Variants in THSD4 observed in about 807,000 individuals in gnomAD.
THSD4 encodes thrombospondin type 1 domain containing 4, also known as thrombospondin type-1 domain-containing protein 4.
In THSD4, 69 loss-of-function variants were observed where a neutral mutation model predicts 119.0. The observed-to-expected ratio is 0.58, with a 90% confidence interval of 0.48 to 0.71. The LOEUF (loss-of-function observed/expected upper bound fraction) is 0.71, where lower values mean the gene tolerates loss of function less well. THSD4 is among the 30% of genes least tolerant of loss of function. THSD4 has a pLI of 0.00. For synonymous variants in THSD4, 524 were observed against 540.4 expected (o/e 0.97, Z 0.42); for missense variants, 1,393 against 1,391.1 (o/e 1.00, Z -0.02).
intron 7 of THSD4, among the ~76,000 whole-genome samples, chr15:71,437,889 A>C (rs888625267): frequency 1.3e-5 from 2 of 152,236 alleles, no homozygotes; most frequent in Non-Finnish European, 2.9e-5. Flanking sequence ...ATAAGGGGAA[A>C]GTGGTATCTC....
At chr15:71,578,269 G>A (rs184910402) in intron 7 of THSD4, among the ~76,000 whole-genome samples, 66 of 151,566 alleles carry the variant, frequency 4.4e-4, no homozygotes, top group African/African-American at 1.6e-3. Flanking sequence ...GACTCCAGGT[G>A]GTTATCTTGG....
At chr15:71,663,011 G>A (rs1428749673) in intron 8 of THSD4, among the ~76,000 whole-genome samples, 2 of 152,158 alleles carry the variant, frequency 1.3e-5, no homozygotes, top group Non-Finnish European at 2.9e-5. Flanking sequence ...CGCTGTGGGA[G>A]GCCAAGGCAG....
chr15:71,491,206 G>A (rs1419055392), intron 7 of THSD4, among the ~76,000 whole-genome samples: 2 of 152,144 alleles, frequency 1.3e-5, no homozygotes, highest in African/African-American at 4.8e-5. Flanking sequence ...TGACAACACT[G>A]GGTATGATCA....
At chr15:71,706,599 T>G (rs1490189146) in intron 8 of THSD4, among the ~76,000 whole-genome samples, 2 of 152,116 alleles carry the variant, frequency 1.3e-5, no homozygotes, top group East Asian at 3.9e-4. Context: ...ACCAGCTCCC[T>G]TCGGAGAGGA....
chr15:71,452,443 C>T (rs985359086), intron 7 of THSD4, among the ~76,000 whole-genome samples: 2 of 151,112 alleles, frequency 1.3e-5, no homozygotes, highest in African/African-American at 2.4e-5. Context: ...TTAGTCCCTC[C>T]GTGCCAGTCT....
chr15:71,768,230 T>C (rs1390018381), intron 16 of THSD4, among the ~76,000 whole-genome samples: 2 of 147,532 alleles, frequency 1.4e-5, no homozygotes, highest in African/African-American at 5.0e-5. Context: ...GCCACTAACA[T>C]CCCCAAAAGA....
At chr15:71,336,228 G>A (rs932264873) in intron 6 of THSD4, among the ~76,000 whole-genome samples, 4 of 152,188 alleles carry the variant, frequency 2.6e-5, no homozygotes, top group Admixed American at 6.5e-5. Flanking sequence ...GAATAAAAAT[G>A]TTACAACCTT....
chr15:71,545,400 A>G (rs1040128087), intron 7 of THSD4, among the ~76,000 whole-genome samples: 2 of 152,182 alleles, frequency 1.3e-5, no homozygotes, highest in Non-Finnish European at 2.9e-5. Context: ...CTGTTTTTAC[A>G]AATAAAGTTT....
chr15:71,669,714 C>T (rs1158537803), intron 8 of THSD4, among the ~76,000 whole-genome samples: 5 of 152,180 alleles, frequency 3.3e-5, no homozygotes, highest in Non-Finnish European at 7.3e-5. Context: ...CTTTCCTCCA[C>T]AATTACTTTC....
chr15:71,135,884 A>ATTGG (rs2040546595), intron 1 of THSD4, among the ~76,000 whole-genome samples: 1 of 146,788 alleles, frequency 6.8e-6, no homozygotes, highest in East Asian at 2.0e-4. Flanking sequence ...TGAGGGCCTT[A>ATTGG]TTGGATCCCC....
chr15:71,432,524 CTTTTT>C (rs59086141), intron 7 of THSD4, among the ~76,000 whole-genome samples: 1 of 129,968 alleles, frequency 7.7e-6, no homozygotes. Context: ...TCCCTCCCTT[CTTTTT>C]TTTTTTTTTT....
intron 7 of THSD4, among the ~76,000 whole-genome samples, chr15:71,592,357 GC>G (rs2049823430): frequency 6.6e-6 from 1 of 152,198 alleles, no homozygotes; most frequent in Non-Finnish European, 1.5e-5. Context: ...GCTGTTGGCA[GC>G]CCCCAGAGCC....
intron 7 of THSD4, among the ~76,000 whole-genome samples, chr15:71,486,793 A>ATT (rs2047830036): frequency 1.3e-5 from 2 of 152,080 alleles, no homozygotes; most frequent in South Asian, 4.2e-4. Context: ...GCAATTTTGG[A>ATT]GTGTGAGCTA....
At chr15:71,727,550 AAAAATATAT>A (rs1204860385) in intron 8 of THSD4, among the ~76,000 whole-genome samples, 1 of 107,990 alleles carries the variant, frequency 9.3e-6, no homozygotes, top group African/African-American at 4.3e-5. Context: ...AAAAAAAAAA[AAAAATATAT>A]ATATATATAT....
intron 4 of THSD4, among the ~76,000 whole-genome samples, chr15:71,221,200 G>T (rs973078703): frequency 2.0e-5 from 3 of 152,082 alleles, no homozygotes; most frequent in Admixed American, 2.0e-4. Flanking sequence ...TAGACTAGAG[G>T]GTGCTGGAAG....
chr15:71,316,967 G>C (rs4337253), intron 6 of THSD4, among the ~76,000 whole-genome samples: 51,432 of 152,068 alleles, frequency 0.34, 8,876 homozygotes, highest in South Asian at 0.54. Flanking sequence ...TTTCAAGGTT[G>C]CTTAGAAAGT....
At chr15:71,312,090 C>G (rs974782526) in intron 6 of THSD4, among the ~76,000 whole-genome samples, 1 of 152,222 alleles carries the variant, frequency 6.6e-6, no homozygotes, top group African/African-American at 2.4e-5. Context: ...TCCCTGCCCT[C>G]TGTTCTGGAC....
intron 7 of THSD4, among the ~76,000 whole-genome samples, chr15:71,652,555 C>A (rs537363320): frequency 6.6e-6 from 1 of 152,286 alleles, no homozygotes; most frequent in Admixed American, 6.5e-5. Flanking sequence ...TATCCCCACC[C>A]TCCAGAGAAC....
At chr15:71,231,347 C>T (rs1387848689) in intron 4 of THSD4, among the ~76,000 whole-genome samples, 2 of 152,160 alleles carry the variant, frequency 1.3e-5, no homozygotes, top group Non-Finnish European at 2.9e-5. Flanking sequence ...CCCCATGGAA[C>T]TCACATCCTG....
Sources: allele counts gnomAD v4.1 joint callset (sites outside exome capture counted in the v4.1 genomes callset), GRCh38; gene constraint gnomAD v4.1.1; transcripts MANE v1.5; gene names NCBI Gene and HGNC (gene_info 2026-07-23, HGNC 2026-07-21).